MAPK10: variants seen among roughly 807,000 people sequenced by gnomAD.
MAPK10 encodes the protein JNK3 alpha protein kinase.
Under a neutral mutation model 59.3 loss-of-function variants are expected in MAPK10, and 25 were observed. The ratio of observed to expected loss-of-function variants is 0.42; its 90% CI spans 0.31 to 0.59. The LOEUF (loss-of-function observed/expected upper bound fraction) is 0.59, where lower values mean the gene tolerates loss of function less well. MAPK10 is among the 20% of genes least tolerant of loss of function. MAPK10 has a pLI of 0.15. For missense variants in MAPK10, 351 were observed against 568.9 expected (o/e 0.62, Z 3.90); for synonymous variants, 190 against 200.5 (o/e 0.95, Z 0.44).
At chr4:86,103,105 G>A (rs758800953) in intron 6 of MAPK10, 81 bp downstream of exon 6, 263 of 793,762 alleles carry the variant, frequency 3.3e-4, no homozygotes, top group Admixed American at 5.9e-4. Flanking sequence ...GTGTGTGTGT[G>A]TGTGTGTGTG....
intron 11 of MAPK10, among the ~76,000 whole-genome samples, chr4:86,062,115 T>C (rs778053416): frequency 2.0e-5 from 3 of 152,164 alleles, no homozygotes; most frequent in Admixed American, 6.6e-5. Flanking sequence ...TAATAAATTG[T>C]TCTTGCCCTG....
chr4:86,440,708 A>G (rs1393613067), intron 1 of MAPK10, among the ~76,000 whole-genome samples: 8 of 152,190 alleles, frequency 5.3e-5, no homozygotes, highest in Non-Finnish European at 1.0e-4. Flanking sequence ...ATACAGTGGC[A>G]TATGTCATTT....
At chr4:86,060,068 G>T (rs1046641027) in intron 11 of MAPK10, among the ~76,000 whole-genome samples, 1 of 152,228 alleles carries the variant, frequency 6.6e-6, no homozygotes, top group Non-Finnish European at 1.5e-5. Context: ...TCAACACAAT[G>T]GTCTATCTGG....
chr4:86,187,421 T>C (rs1257381323), intron 3 of MAPK10, among the ~76,000 whole-genome samples: 1 of 152,126 alleles, frequency 6.6e-6, no homozygotes, highest in Admixed American at 6.6e-5. Context: ...TGGAGCAAGA[T>C]GGCACAAGAT....
intron 2 of MAPK10, among the ~76,000 whole-genome samples, chr4:86,275,669 C>G (rs1303970043): frequency 6.6e-6 from 1 of 151,882 alleles, no homozygotes; most frequent in Non-Finnish European, 1.5e-5. Context: ...TACTTTTGCT[C>G]CAACCTACTA....
chr4:86,146,129 G>A (rs2064947892), intron 4 of MAPK10, among the ~76,000 whole-genome samples: 1 of 152,200 alleles, frequency 6.6e-6, no homozygotes, highest in South Asian at 2.1e-4. Flanking sequence ...AGAGTAGAGT[G>A]CATAGAAATG....
chr4:86,370,905 A>T (rs1738659617), intron 1 of MAPK10: 1 of 152,236 alleles, frequency 6.6e-6, no homozygotes. Flanking sequence ...CAGATGACTC[A>T]ATGAACAGAA....
At chr4:86,064,635 A>T (rs2046370509) in intron 10 of MAPK10, 1 of 454,096 alleles carries the variant, frequency 2.2e-6, no homozygotes, top group African/African-American at 2.0e-5. Flanking sequence ...ATTCACGCAA[A>T]CTTCTTAGTA....
intron 3 of MAPK10, among the ~76,000 whole-genome samples, chr4:86,166,892 A>G (rs1487437746): frequency 2.0e-5 from 3 of 152,162 alleles, no homozygotes; most frequent in African/African-American, 4.8e-5. Context: ...GAATAGAAAA[A>G]CATAGAGACA....
chr4:86,304,599 A>G (rs1481907936), intron 2 of MAPK10, among the ~76,000 whole-genome samples: 4 of 151,054 alleles, frequency 2.6e-5, no homozygotes, highest in African/African-American at 9.7e-5. Flanking sequence ...TCACCGTGTT[A>G]GCCAAGATGG....
chr4:86,391,407 A>G (rs1742160183), intron 1 of MAPK10, among the ~76,000 whole-genome samples: 1 of 152,216 alleles, frequency 6.6e-6, no homozygotes, highest in Non-Finnish European at 1.5e-5. Context: ...CAGTCTTGTC[A>G]TATCATGCAT....
chr4:86,102,983 C>A, intron 6 of MAPK10: 1 of 408,332 alleles, frequency 2.4e-6, no homozygotes, highest in Non-Finnish European at 4.4e-6. Context: ...AGGAAGTAAC[C>A]CCACAAACAG....
At chr4:86,372,300 C>T (rs538618691) in intron 1 of MAPK10, among the ~76,000 whole-genome samples, 53 of 152,152 alleles carry the variant, frequency 3.5e-4, no homozygotes, top group South Asian at 4.1e-4. Flanking sequence ...GGGCAGATCA[C>T]GAGGTCAGGA....
chr4:86,478,043 T>C (rs1278548839), intron 1 of MAPK10, among the ~76,000 whole-genome samples: 1 of 152,188 alleles, frequency 6.6e-6, no homozygotes, highest in Non-Finnish European at 1.5e-5. Flanking sequence ...AAAACACACG[T>C]GCTTTCCCCA....
At chr4:86,237,567 A>G (rs1247210794) in intron 2 of MAPK10, among the ~76,000 whole-genome samples, 2 of 152,148 alleles carry the variant, frequency 1.3e-5, no homozygotes, top group African/African-American at 4.8e-5. Context: ...GTGAGATGGT[A>G]TCTCATTGTG....
At chr4:86,325,839 T>C (rs1477268211) in intron 2 of MAPK10, 1 of 152,196 alleles carries the variant, frequency 6.6e-6, no homozygotes, top group Admixed American at 6.6e-5. Context: ...TTTAAACTTT[T>C]ATAAAGCAAA....
chr4:86,340,084 G>T (rs1446834797), intron 2 of MAPK10, among the ~76,000 whole-genome samples: 1 of 152,170 alleles, frequency 6.6e-6, no homozygotes, highest in Non-Finnish European at 1.5e-5. Context: ...AATGATACTT[G>T]CTAAAAGATA....
At chr4:86,119,079 T>C (rs184052336) in intron 4 of MAPK10, among the ~76,000 whole-genome samples, 222 of 152,312 alleles carry the variant, frequency 1.5e-3, no homozygotes, top group African/African-American at 4.8e-3. Flanking sequence ...ATTTTGTCAT[T>C]GAATGGTTTG....
chr4:86,553,891 A>AT (rs55953008), intron 1 of MAPK10, among the ~76,000 whole-genome samples: 33,463 of 146,530 alleles, frequency 0.23, 4,387 homozygotes, highest in Admixed American at 0.3. Context: ...CCACTTCTTA[A>AT]TTTTTTTTTT....
Sources: gnomAD v4.1 joint callset for allele counts (sites outside exome capture counted in the v4.1 genomes callset) on GRCh38, gnomAD v4.1.1 for gene constraint, MANE v1.5 for transcripts, NCBI Gene and HGNC (gene_info 2026-07-23, HGNC 2026-07-21) for gene names.